The following CYRIA variants were observed in gnomAD, a reference collection of about 807,000 sequenced individuals.
CYRIA encodes the protein CYFIP-related Rac1 interactor A.
CYRIA carries 15 observed loss-of-function variants against 43.9 expected under a neutral mutation model. The ratio of observed to expected loss-of-function variants is 0.34; its 90% CI spans 0.23 to 0.53. CYRIA has a LOEUF of 0.53. Ranked by LOEUF, CYRIA falls within the 20% of genes least tolerant of loss-of-function variation. The pLI is 0.94. For missense variants in CYRIA, 236 were observed against 394.2 expected (o/e 0.60, Z 3.40); for synonymous variants, 117 against 136.0 (o/e 0.86, Z 0.97).
At chr2:16,563,460 G>A (rs1666822949) in intron 5 of CYRIA, among the ~76,000 whole-genome samples, 1 of 152,138 alleles carries the variant, frequency 6.6e-6, no homozygotes, top group Non-Finnish European at 1.5e-5. Flanking sequence ...CCTCCCTGGG[G>A]AGTGATTTTG....
In CYRIA at chr2:16,552,917, CTCT is replaced by C. The variant is rs1381999499; in HGVS notation, c.*16_*18del. 2.6e-6 allele frequency: 4 copies of C among 1,521,550 alleles called. No homozygotes were observed. The highest frequency in any genetic ancestry group is 2.7e-6 in the Non-Finnish European group (3 of 1,095,672). The allele number at this position is 1,521,550 out of a possible 1,614,324, so 94.3% of individuals were successfully genotyped here. ...ATCTTCTGAGGTCAGCACATAGATC[CTCT>C]TCTTTGAGCAGAGCTCTACTGAAGC... is the stretch of plus-strand genomic sequence containing the variant. On this transcript the variant is annotated 3_prime_UTR_variant, in exon 12 of 12. Transcript: ENST00000381323.
chr2:16,559,691 C>T, intron 9 of CYRIA, 105 bp from the exon 10 acceptor site: 3 of 1,310,094 alleles, frequency 2.3e-6, no homozygotes, highest in Non-Finnish European at 3.1e-6. Context: ...CTCTTGGGAA[C>T]AATCCCAGAC....
intron 3 of CYRIA, among the ~76,000 whole-genome samples, chr2:16,566,440 A>G (rs940162047): frequency 2.0e-5 from 3 of 152,184 alleles, no homozygotes; most frequent in African/African-American, 7.2e-5. Flanking sequence ...TAAAAACTGG[A>G]TAACTAAAAT....
At chr2:16,572,721 A>T in intron 3 of CYRIA, among the ~76,000 whole-genome samples, 1 of 152,166 alleles carries the variant, frequency 6.6e-6, no homozygotes, top group Non-Finnish European at 1.5e-5. Context: ...CTTTCTTTAC[A>T]CCCCAGCCCC....
intron 1 of CYRIA, among the ~76,000 whole-genome samples, chr2:16,648,186 C>T (rs1004521581): frequency 1.3e-5 from 2 of 152,252 alleles, no homozygotes; most frequent in African/African-American, 4.8e-5. Context: ...AGAAACTCAG[C>T]CAGGGGGGTG....
At chr2:16,560,898 G>A in intron 9 of CYRIA, 92 bp downstream of exon 9, 1 of 1,147,690 alleles carries the variant, frequency 8.7e-7, no homozygotes, top group African/African-American at 1.5e-5. Context: ...TTAGGGTGTT[G>A]ACCCAAATGT....
At chr2:16,564,446 C>G (rs570052099) in intron 4 of CYRIA, among the ~76,000 whole-genome samples, 1 of 152,164 alleles carries the variant, frequency 6.6e-6, no homozygotes, top group African/African-American at 2.4e-5. Context: ...ATTCTGTAGA[C>G]ATTTTGTTTA....
chr2:16,654,451 G>A (rs867452825), intron 1 of CYRIA, among the ~76,000 whole-genome samples: 1 of 152,198 alleles, frequency 6.6e-6, no homozygotes, highest in Middle Eastern at 3.4e-3. Flanking sequence ...TATTTTCTGA[G>A]GCTTAAGAGA....
intron 2 of CYRIA, among the ~76,000 whole-genome samples, chr2:16,607,931 T>C (rs1409096641): frequency 6.6e-6 from 1 of 152,148 alleles, no homozygotes; most frequent in Non-Finnish European, 1.5e-5. Context: ...CTGTTCCTTT[T>C]GCCTTGAACG....
At chr2:16,621,635 G>A (rs1030079276) in intron 2 of CYRIA, among the ~76,000 whole-genome samples, 3 of 152,126 alleles carry the variant, frequency 2.0e-5, no homozygotes, top group African/African-American at 7.2e-5. Flanking sequence ...CTCGAGACTG[G>A]GTAAAGCCCA....
chr2:16,621,827 T>A (rs990754698), intron 2 of CYRIA, among the ~76,000 whole-genome samples: 19 of 152,314 alleles, frequency 1.2e-4, no homozygotes, highest in African/African-American at 4.3e-4. Flanking sequence ...TTTTTTCTGC[T>A]TTATTTTTTT....
chr2:16,658,176 G>A (rs1572209466), intron 1 of CYRIA, among the ~76,000 whole-genome samples: 3 of 152,142 alleles, frequency 2.0e-5, no homozygotes, highest in African/African-American at 7.2e-5. Flanking sequence ...ATGTGGCTAG[G>A]TTCACTTCAG....
chr2:16,588,957 A>G (rs1363001249), intron 2 of CYRIA, among the ~76,000 whole-genome samples: 1 of 152,152 alleles, frequency 6.6e-6, no homozygotes, highest in Admixed American at 6.6e-5. Flanking sequence ...AGCAGTCTCA[A>G]CCTAATAAAA....
chr2:16,600,825 T>A (rs1213148462), intron 2 of CYRIA, among the ~76,000 whole-genome samples: 1 of 152,228 alleles, frequency 6.6e-6, no homozygotes, highest in African/African-American at 2.4e-5. Context: ...GCTATAATTA[T>A]CATCACATTG....
At chr2:16,645,845 A>G (rs903827711) in intron 1 of CYRIA, among the ~76,000 whole-genome samples, 1 of 152,202 alleles carries the variant, frequency 6.6e-6, no homozygotes, top group Admixed American at 6.5e-5. Flanking sequence ...TATGCCTGGT[A>G]ATTTGGAGGG....
chr2:16,656,160 C>T (rs376957809), intron 1 of CYRIA, among the ~76,000 whole-genome samples: 7 of 152,196 alleles, frequency 4.6e-5, no homozygotes, highest in African/African-American at 1.2e-4. Flanking sequence ...CACATGTACA[C>T]GCTTACACAT....
In CYRIA at chr2:16,564,073, T is replaced by C. The variant is rs1558403525; in HGVS notation, c.214A>G (p.Ile72Val). The C allele has an allele frequency of 1.2e-6, 2 of 1,613,614 alleles. No homozygotes were observed. Among genetic ancestry groups the C allele is most frequent in the African/African-American group, 1.3e-5 (1 of 75,016 alleles). The stretch of plus-strand genomic sequence containing the variant: ...TTCCAAGCTTTTTCTTGAAGCTGAA[T>C]GTCATTGGGATTTTGAATTGCCTGC... ...IRDAIQNPND[I>V]QLQEKAWNAV... The change falls in exon 5 of 12, where the codon ATT becomes GTT. Residue 72 changes from isoleucine (I) to valine (V), a missense_variant. Ile to Val is a conservative substitution (Grantham distance 29). Coordinates refer to ENST00000381323, the MANE Select transcript of CYRIA (RefSeq NM_030797.4).
intron 1 of CYRIA, among the ~76,000 whole-genome samples, chr2:16,640,707 G>C (rs1401291655): frequency 6.6e-6 from 1 of 152,204 alleles, no homozygotes. Flanking sequence ...TCAGAGATTG[G>C]AGGCCAGAGA....
intron 2 of CYRIA, among the ~76,000 whole-genome samples, chr2:16,620,560 G>A (rs1668959777): frequency 6.6e-6 from 1 of 152,146 alleles, no homozygotes. Context: ...TAAGGAACCA[G>A]GGTTTCAAAT....
Sources: allele counts gnomAD v4.1 joint callset (sites outside exome capture counted in the v4.1 genomes callset), GRCh38; gene constraint gnomAD v4.1.1; transcripts MANE v1.5; gene names NCBI Gene and HGNC (gene_info 2026-07-23, HGNC 2026-07-21).